KLF7: variants seen among roughly 807,000 people sequenced by gnomAD.
KLF7 encodes the protein Krueppel-like factor 7.
In KLF7, 2 loss-of-function variants were observed where a neutral mutation model predicts 27.3. The observed-to-expected ratio is 0.07, with a 90% CI of 0.03 to 0.23. The LOEUF is 0.23. Ranked by LOEUF, KLF7 falls within the 10% of genes least tolerant of loss-of-function variation. The pLI is 1.00. For missense variants in KLF7, 221 were observed against 394.1 expected (o/e 0.56, Z 3.72); for synonymous variants, 165 against 162.4 (o/e 1.02, Z -0.12).
At position 207,076,922 on chromosome 2, in the gene KLF7, G is replaced by A. The variant is rs2076185835; in HGVS notation, c.*4291C>T. On this transcript the variant is annotated 3_prime_UTR_variant, in exon 4 of 4. Coordinates refer to ENST00000309446, the MANE Select transcript of KLF7 (RefSeq NM_003709.4). ...GAATGTTCATTTTGGCAATGTTCTGGGTGCAAAATTGTAGCCAGAAATGCT... is the reference window on the plus strand; with the variant it reads ...GAATGTTCATTTTGGCAATGTTCTGAGTGCAAAATTGTAGCCAGAAATGCT... The A allele has an allele frequency of 6.6e-6, 1 of 152,000 alleles. No individual in the cohort carries two copies. Among genetic ancestry groups the A allele is most frequent in the Admixed American group, 6.6e-5 (1 of 15,266 alleles). 9.4% of individuals were successfully genotyped at this position (152,000 alleles called of 1,614,324 possible).
chr2:207,093,950 C>T (rs1203340554), intron 2 of KLF7, among the ~76,000 whole-genome samples: 4 of 152,230 alleles, frequency 2.6e-5, no homozygotes, highest in African/African-American at 9.7e-5. Flanking sequence ...CTATCTTCCA[C>T]AGCCTAAAAG....
rs75438884 is a variant in KLF7 at position 207,134,982 on chromosome 2, A to T, written c.103-10578T>A. 5.1e-3 allele frequency among the ~76,000 whole-genome samples: 773 copies of T among 152,344 alleles called. 13 individuals are homozygous for T. The highest frequency in any genetic ancestry group is 0.018 in the African/African-American group (748 of 41,578). On this transcript the variant is annotated intron_variant, in intron 1 of 3. Transcript: ENST00000309446. The stretch of plus-strand genomic sequence containing the variant: ...AATAACTAGTGTTATTTTTCATTAC[A>T]CTTCCAGACAGACATAAAGAAACCT...
At chr2:207,105,402 G>A (rs2105919525) in intron 2 of KLF7, among the ~76,000 whole-genome samples, 3 of 152,290 alleles carry the variant, frequency 2.0e-5, no homozygotes, top group Middle Eastern at 6.8e-3. Context: ...CAAGGTAGGT[G>A]GTGATGTTTC....
At chr2:207,173,207 C>T in the KLF7 span, among the ~76,000 whole-genome samples, 2 of 152,134 alleles carry the variant, frequency 1.3e-5, no homozygotes, top group Non-Finnish European at 2.9e-5. Flanking sequence ...TCTCATCAGG[C>T]CTCTAGTGTC....
intron 1 of KLF7, among the ~76,000 whole-genome samples, chr2:207,158,724 T>C (rs1270472928): frequency 6.6e-6 from 1 of 152,242 alleles, no homozygotes; most frequent in Non-Finnish European, 1.5e-5. Context: ...ATTACACAAG[T>C]AAGCCTTCTC....
At chr2:207,086,959 T>C (rs1051673214) in intron 3 of KLF7, among the ~76,000 whole-genome samples, 2 of 152,142 alleles carry the variant, frequency 1.3e-5, no homozygotes, top group Non-Finnish European at 1.5e-5. Flanking sequence ...AGAGTCACCA[T>C]CTGCAGGGCT....
intron 2 of KLF7, among the ~76,000 whole-genome samples, chr2:207,109,302 T>C (rs1370207338): frequency 2.0e-5 from 3 of 152,226 alleles, no homozygotes; most frequent in African/African-American, 2.4e-5. Flanking sequence ...TTAGTAGTTA[T>C]ACTGAACAAG....
Position 207,124,413 on chromosome 2 carries a change from GGAA to G in KLF7, c.103-12_103-10del, listed in dbSNP as rs1262810048. 1 of 1,540,684 alleles carries G rather than the reference GGAA, an allele frequency of 6.5e-7. No homozygotes were observed. The highest frequency in any genetic ancestry group is 8.8e-7 in the Non-Finnish European group (1 of 1,141,126). On this transcript the variant is annotated splice_polypyrimidine_tract_variant and intron_variant, in intron 1 of 3. Coordinates refer to ENST00000309446, the MANE Select transcript of KLF7 (RefSeq NM_003709.4). Reference sequence around the variant, plus strand: ...TCCAATTCAAGGCATGTCTGCAAGAGGAAGAAGGAGGGAGAGAAACAGCCATCA... The same window carrying G: ...TCCAATTCAAGGCATGTCTGCAAGAGGAAGGAGGGAGAGAAACAGCCATCA...
At position 207,099,551 on chromosome 2, in the gene KLF7, G is replaced by A. The variant is rs189359268; in HGVS notation, c.734-10970C>T. On this transcript the variant is annotated intron_variant, in intron 2 of 3. Coordinates refer to ENST00000309446, the MANE Select transcript of KLF7 (RefSeq NM_003709.4). ...AAAGTTAACTTTCTGCTACATATGC[G>A]ATATATATATATATATATATATGAA... Among the ~76,000 whole-genome samples the A allele has an allele frequency of 6.9e-5, 4 of 57,568 alleles. No homozygotes were observed. In the South Asian group the frequency reaches 1.4e-3, roughly 20 times the overall value. The allele number at this position is 57,568 out of a possible 152,430, so 37.8% of individuals were successfully genotyped here. A position where few individuals can be genotyped will look rare whatever the true frequency, so the allele number is the denominator to read the frequency against.
chr2:207,116,461 C>T (rs1212464652), intron 2 of KLF7, among the ~76,000 whole-genome samples: 1 of 152,152 alleles, frequency 6.6e-6, no homozygotes, highest in African/African-American at 2.4e-5. Flanking sequence ...AACACAATCA[C>T]TACATTATTA....
chr2:207,085,165 A>AG (rs2076360082), intron 3 of KLF7, among the ~76,000 whole-genome samples: 1 of 51,040 alleles, frequency 2.0e-5, no homozygotes, highest in South Asian at 4.7e-4. Context: ...GTCTCAAATG[A>AG]AAAAAAAAAA....
At chr2:207,121,240 G>C (rs1205436534) in intron 2 of KLF7, among the ~76,000 whole-genome samples, 1 of 152,166 alleles carries the variant, frequency 6.6e-6, no homozygotes, top group Non-Finnish European at 1.5e-5. Flanking sequence ...CAACCACTGG[G>C]AGCGAGAGGG....
chr2:207,133,991 C>T, intron 1 of KLF7: 3 of 1,142,338 alleles, frequency 2.6e-6, no homozygotes, highest in South Asian at 1.5e-5. Flanking sequence ...CTCTTATGCA[C>T]CCCCACCCGC....
In KLF7 at chr2:207,080,821, G is replaced by A. The variant is rs907338237; in HGVS notation, c.*392C>T. 22 of 403,442 alleles carry A rather than the reference G, an allele frequency of 5.5e-5. No homozygotes were observed. The highest frequency in any genetic ancestry group is 2.3e-4 in the African/African-American group (11 of 48,770). 25.0% of individuals were successfully genotyped at this position (403,442 alleles called of 1,614,324 possible). A position where few individuals can be genotyped will look rare whatever the true frequency, so the allele number is the denominator to read the frequency against. On this transcript the variant is annotated 3_prime_UTR_variant, in exon 4 of 4. Transcript: ENST00000309446. ...GAGAAGCAAGTGAAATAAGCCCCTC[G>A]GACTGCCGTCCACCTGCACAGACGT...
rs1317798156 is a variant in KLF7 at position 207,080,562 on chromosome 2, C to T, written c.*651G>A. 6.1e-6 allele frequency: 2 copies of T among 329,784 alleles called. No individual in the cohort carries two copies. Among genetic ancestry groups the T allele is most frequent in the South Asian group, 1.6e-4 (1 of 6,406 alleles). The allele number at this position is 329,784 out of a possible 1,614,324, so 20.4% of individuals were successfully genotyped here. On this transcript the variant is annotated 3_prime_UTR_variant, in exon 4 of 4. Coordinates refer to ENST00000309446, the MANE Select transcript of KLF7 (RefSeq NM_003709.4). The stretch of plus-strand genomic sequence containing the variant: ...GCCGCTAAGGCCGTTGGGATCGACG[C>T]GAAAGATCTCAATAGTACTAAGAAC...
chr2:207,122,705 C>T (rs553170580), intron 2 of KLF7, among the ~76,000 whole-genome samples: 1 of 152,154 alleles, frequency 6.6e-6, no homozygotes. Context: ...GCCCAGAAGG[C>T]CCCCCAGAGC....
intron 2 of KLF7, among the ~76,000 whole-genome samples, chr2:207,108,058 T>C (rs985175761): frequency 3.3e-5 from 5 of 152,212 alleles, no homozygotes; most frequent in Non-Finnish European, 7.3e-5. Flanking sequence ...TTTGTACCTA[T>C]GGTCCTTGTA....
At chr2:207,113,659 C>G (rs1246896820) in intron 2 of KLF7, among the ~76,000 whole-genome samples, 1 of 141,168 alleles carries the variant, frequency 7.1e-6, no homozygotes, top group East Asian at 2.2e-4. Context: ...AGAGCAGAAA[C>G]AGCTGTGTAG....
intron 2 of KLF7, among the ~76,000 whole-genome samples, chr2:207,095,547 T>C (rs2076610208): frequency 6.6e-6 from 1 of 152,208 alleles, no homozygotes. Flanking sequence ...ACAACAATTG[T>C]GTTTGTGTTC....
Sources: allele counts gnomAD v4.1 joint callset (sites outside exome capture counted in the v4.1 genomes callset), GRCh38; gene constraint gnomAD v4.1.1; transcripts MANE v1.5; gene names NCBI Gene and HGNC (gene_info 2026-07-23, HGNC 2026-07-21).